ARHGAP15: variants seen among roughly 807,000 people sequenced by gnomAD.
ARHGAP15 encodes the protein rho GTPase-activating protein 15.
A neutral mutation model predicts 63.7 loss-of-function variants in ARHGAP15; 51 were observed. The observed-to-expected ratio is 0.80, with a 90% CI of 0.64 to 1.01. The LOEUF (loss-of-function observed/expected upper bound fraction) is 1.01. Among genes scored for constraint, ARHGAP15 ranks in the 50% least tolerant of loss-of-function variants. The pLI is 0.00. For synonymous variants in ARHGAP15, 191 were observed against 193.8 expected (o/e 0.99, Z 0.12); for missense variants, 560 against 564.6 (o/e 0.99, Z 0.08).
intron 11 of ARHGAP15, among the ~76,000 whole-genome samples, chr2:143,598,435 C>A (rs751253349): frequency 6.6e-6 from 1 of 152,120 alleles, no homozygotes; most frequent in Non-Finnish European, 1.5e-5. Flanking sequence ...AATTCCGAGG[C>A]CATCATGCTA....
chr2:143,749,319 A>G (rs932512858), intron 13 of ARHGAP15, among the ~76,000 whole-genome samples: 1 of 152,192 alleles, frequency 6.6e-6, no homozygotes, highest in African/African-American at 2.4e-5. Flanking sequence ...ATCTTCCAAT[A>G]AGTATGAAAT....
At chr2:143,618,092 A>G (rs1231985444) in intron 11 of ARHGAP15, among the ~76,000 whole-genome samples, 4 of 152,218 alleles carry the variant, frequency 2.6e-5, no homozygotes, top group African/African-American at 4.8e-5. Context: ...ACAGGGTGAC[A>G]TCACCGTGTT....
intron 13 of ARHGAP15, among the ~76,000 whole-genome samples, chr2:143,748,161 A>G (rs986869856): frequency 6.6e-6 from 1 of 152,222 alleles, no homozygotes; most frequent in African/African-American, 2.4e-5. Context: ...CTGCAACTAC[A>G]ACACTATGTT....
At chr2:143,383,508 C>T (rs1185730704) in intron 6 of ARHGAP15, among the ~76,000 whole-genome samples, 1 of 152,168 alleles carries the variant, frequency 6.6e-6, no homozygotes, top group African/African-American at 2.4e-5. Flanking sequence ...TCCAAATCGT[C>T]TCTCTCGGAA....
In ARHGAP15 at chr2:143,412,295, TATA is replaced by T. The variant is rs1463901815; in HGVS notation, c.475-23302_475-23300del. ...AAGAACAAAACGGAAATGGATTAAA[TATA>T]ATAGTACGAAGGGAAGCGTCATTGA... On this transcript the variant is annotated intron_variant, in intron 6 of 13. Coordinates refer to ENST00000295095, the MANE Select transcript of ARHGAP15 (RefSeq NM_018460.4). 1.4e-3 allele frequency among the ~76,000 whole-genome samples: 209 copies of T among 152,238 alleles called. 5 individuals are homozygous for T. Among genetic ancestry groups the T allele is most frequent in the Non-Finnish European group, 2.4e-4 (16 of 68,000 alleles).
intron 6 of ARHGAP15, among the ~76,000 whole-genome samples, chr2:143,392,742 T>G (rs927352512): frequency 5.3e-5 from 8 of 152,156 alleles, no homozygotes; most frequent in African/African-American, 1.9e-4. Context: ...TTTGGGTTTT[T>G]GGGAGTATAG....
chr2:143,139,853 C>G (rs1450870588), intron 1 of ARHGAP15, among the ~76,000 whole-genome samples: 1 of 152,090 alleles, frequency 6.6e-6, no homozygotes, highest in Admixed American at 6.6e-5. Flanking sequence ...CAACTCTGGG[C>G]CCTACCACTT....
intron 6 of ARHGAP15, among the ~76,000 whole-genome samples, chr2:143,426,100 A>G (rs1190366998): frequency 1.3e-5 from 2 of 152,112 alleles, no homozygotes; most frequent in Non-Finnish European, 2.9e-5. Flanking sequence ...GGAATAGTTC[A>G]TATGTGTGTG....
chr2:143,760,004 A>G (rs1244451926), intron 13 of ARHGAP15, among the ~76,000 whole-genome samples: 1 of 152,116 alleles, frequency 6.6e-6, no homozygotes, highest in Non-Finnish European at 1.5e-5. Flanking sequence ...CTGAAGTCAC[A>G]TTGTATATTG....
At chr2:143,638,871 A>T (rs1017062134) in intron 12 of ARHGAP15, among the ~76,000 whole-genome samples, 1 of 152,026 alleles carries the variant, frequency 6.6e-6, no homozygotes, top group African/African-American at 2.4e-5. Flanking sequence ...TATACTTACC[A>T]TACTTTTACT....
At chr2:143,379,553 T>C (rs896481596) in intron 6 of ARHGAP15, among the ~76,000 whole-genome samples, 20 of 145,120 alleles carry the variant, frequency 1.4e-4, no homozygotes, top group Middle Eastern at 7.5e-3. Context: ...GAGAATCAGC[T>C]TCATCATGGT....
chr2:143,364,055 A>G lies in ARHGAP15; in HGVS notation c.475-71546A>G, dbSNP rs1023084737. On this transcript the variant is annotated intron_variant, in intron 6 of 13. Coordinates refer to ENST00000295095, the MANE Select transcript of ARHGAP15 (RefSeq NM_018460.4). The stretch of plus-strand genomic sequence containing the variant: ...AAAAAGTTCCTTTAACAAAGACACC[A>G]ATTTCTAGAGTAGAGAAAGACCTTA... Among the ~76,000 whole-genome samples, 30 of 152,206 alleles carry G rather than the reference A, an allele frequency of 2.0e-4. 1 individual carries two copies. Among genetic ancestry groups the G allele is most frequent in the African/African-American group, 7.2e-4 (30 of 41,454 alleles).
intron 9 of ARHGAP15, among the ~76,000 whole-genome samples, chr2:143,512,641 T>C (rs1693640129): frequency 6.6e-6 from 1 of 152,258 alleles, no homozygotes; most frequent in African/African-American, 2.4e-5. Context: ...TTTTGCCAGG[T>C]GTATTTGCTT....
At chr2:143,752,930 A>C (rs911528321) in intron 13 of ARHGAP15, among the ~76,000 whole-genome samples, 1 of 152,222 alleles carries the variant, frequency 6.6e-6, no homozygotes, top group Non-Finnish European at 1.5e-5. Flanking sequence ...TGAGGCCAGG[A>C]GTTCGAGACC....
rs530209549 is a variant in ARHGAP15, at chr2:143,384,866, G to C, written c.475-50735G>C. On this transcript the variant is annotated intron_variant, in intron 6 of 13. Coordinates refer to ENST00000295095, the MANE Select transcript of ARHGAP15 (RefSeq NM_018460.4). ...TACCTTACCCCATTATGGGGGTTGGGGGGAGGAAAAAAGCTTCAGTGCATT... is the reference window on the plus strand; with the variant it reads ...TACCTTACCCCATTATGGGGGTTGGCGGGAGGAAAAAAGCTTCAGTGCATT... Among the ~76,000 whole-genome samples the C allele has an allele frequency of 8.9e-4, 135 of 152,166 alleles. 1 individual carries two copies. Among genetic ancestry groups the C allele is most frequent in the African/African-American group, 3.1e-3 (130 of 41,536 alleles).
chr2:143,347,519 G>A (rs912598734), intron 6 of ARHGAP15, among the ~76,000 whole-genome samples: 1 of 152,008 alleles, frequency 6.6e-6, no homozygotes, highest in African/African-American at 2.4e-5. Flanking sequence ...GTATTCTGCC[G>A]CACTTAATGA....
intron 12 of ARHGAP15, among the ~76,000 whole-genome samples, chr2:143,657,590 C>T (rs10211220): frequency 0.76 from 115,824 of 152,092 alleles, 45,490 homozygotes; most frequent in East Asian, 0.91. Context: ...CATAGCTATG[C>T]AAAAATCAAG....
At chr2:143,386,261 G>C (rs190777111) in intron 6 of ARHGAP15, among the ~76,000 whole-genome samples, 3 of 151,666 alleles carry the variant, frequency 2.0e-5, no homozygotes, top group Admixed American at 6.6e-5. Context: ...TTTTTCCAAG[G>C]AAAAAAATGT....
intron 6 of ARHGAP15, among the ~76,000 whole-genome samples, chr2:143,346,555 A>T (rs965755512): frequency 6.6e-6 from 1 of 152,126 alleles, no homozygotes; most frequent in African/African-American, 2.4e-5. Context: ...ATCAAGTAAC[A>T]TTCCCTACAT....
Sources: allele counts gnomAD v4.1 joint callset (sites outside exome capture counted in the v4.1 genomes callset), GRCh38; gene constraint gnomAD v4.1.1; transcripts MANE v1.5; gene names NCBI Gene and HGNC (gene_info 2026-07-23, HGNC 2026-07-21).